The following STUM variants were observed in gnomAD, a reference collection of about 807,000 sequenced individuals.
The protein encoded by STUM is protein stum homolog.
A neutral mutation model predicts 15.3 loss-of-function variants in STUM; 8 were observed. The observed-to-expected ratio is 0.52, with a 90% CI of 0.31 to 0.94. The LOEUF (loss-of-function observed/expected upper bound fraction) is 0.94, where lower values mean the gene tolerates loss of function less well. STUM is among the 40% of genes least tolerant of loss of function. The probability of loss-of-function intolerance (pLI) is 0.05; values close to 1 mark genes in which losing one functional copy is unlikely to be tolerated. For synonymous variants in STUM, 78 were observed against 88.7 expected (o/e 0.88, Z 0.68); for missense variants, 142 against 204.9 (o/e 0.69, Z 1.87).
In STUM at chr1:226,552,566, T is replaced by A. The variant is rs970354790; in HGVS notation, c.202+3460T>A. ...ATCTTGATTTGGTGAAACGAAAATGTTGATATCTCAGTGACACGGAAAGTC... is the reference window on the plus strand; with the variant it reads ...ATCTTGATTTGGTGAAACGAAAATGATGATATCTCAGTGACACGGAAAGTC... On this transcript the variant is annotated intron_variant, in intron 1 of 3. Coordinates refer to ENST00000366788, the MANE Select transcript of STUM (RefSeq NM_001003665.4). The surrounding 1 kb of genome is among the most constrained non-coding windows in gnomAD (Gnocchi z 4.7). Among the ~76,000 whole-genome samples the A allele has an allele frequency of 2.0e-5, 3 of 152,226 alleles. No homozygotes were observed. Among genetic ancestry groups the A allele is most frequent in the Admixed American group, 6.5e-5 (1 of 15,290 alleles).
rs557222950 is a variant in STUM at position 226,597,109 on chromosome 1, C to T, written c.382+128C>T. On this transcript the variant is annotated intron_variant, in intron 2 of 3. Transcript: ENST00000366788. The stretch of plus-strand genomic sequence containing the variant: ...AAGCACGGGCTCTGGAGAGGGCTTG[C>T]CCGTGTCCTCTTCACAACTCCCTGG... 111 of 901,008 alleles carry T rather than the reference C, an allele frequency of 1.2e-4. No individual in the cohort carries two copies. The East Asian group carries it at 2.7e-3, about 22-fold the overall frequency. 55.8% of individuals were successfully genotyped at this position (901,008 alleles called of 1,614,324 possible). A position where few individuals can be genotyped will look rare whatever the true frequency, so the allele number is the denominator to read the frequency against.
intron 1 of STUM, among the ~76,000 whole-genome samples, chr1:226,573,149 C>A (rs567133738): frequency 3.3e-5 from 5 of 152,332 alleles, no homozygotes; most frequent in African/African-American, 1.2e-4. Flanking sequence ...GGTTAGTTAC[C>A]ACATACAGCA....
chr1:226,563,407 C>G (rs1164122149), intron 1 of STUM, among the ~76,000 whole-genome samples: 1 of 152,226 alleles, frequency 6.6e-6, no homozygotes, highest in African/African-American at 2.4e-5. Context: ...ACTATTAAAA[C>G]CCTAAGGGCA....
rs1668392164 is a variant in STUM, at chr1:226,608,216, C to G, written c.*6176C>G. 6.6e-6 allele frequency: 1 copy of G among 152,306 alleles called. No homozygotes were observed. Among genetic ancestry groups the G allele is most frequent in the African/African-American group, 2.4e-5 (1 of 41,454 alleles). The allele number at this position is 152,306 out of a possible 1,614,324, so 9.4% of individuals were successfully genotyped here. A position where few individuals can be genotyped will look rare whatever the true frequency, so the allele number is the denominator to read the frequency against. On this transcript the variant is annotated 3_prime_UTR_variant, in exon 4 of 4. Coordinates refer to ENST00000366788, the MANE Select transcript of STUM (RefSeq NM_001003665.4). This position sits in a 1 kb window ranked among gnomAD's most constrained non-coding sequence, Gnocchi z 4.0. Reference sequence around the variant, plus strand: ...AGGAGAGGGGCAGTGTTCCCACCCACCTGCTCCAGCACAGGAACCAGGGAG... The same window carrying G: ...AGGAGAGGGGCAGTGTTCCCACCCAGCTGCTCCAGCACAGGAACCAGGGAG...
At chr1:226,573,862 G>A (rs1343598873) in intron 1 of STUM, among the ~76,000 whole-genome samples, 1 of 149,300 alleles carries the variant, frequency 6.7e-6, no homozygotes, top group African/African-American at 2.5e-5. Context: ...TTGAGATGGA[G>A]TCTTGCTCTG....
chr1:226,564,493 A>G (rs1467691394), intron 1 of STUM, among the ~76,000 whole-genome samples: 1 of 152,200 alleles, frequency 6.6e-6, no homozygotes, highest in Non-Finnish European at 1.5e-5. Context: ...CTTAACATGC[A>G]TCTGAAGACA....
chr1:226,551,789 T>C (rs1667379935), intron 1 of STUM, among the ~76,000 whole-genome samples: 1 of 152,194 alleles, frequency 6.6e-6, no homozygotes, highest in South Asian at 2.1e-4. Flanking sequence ...TGATAAGTGC[T>C]AGGATGGCAG....
chr1:226,598,821 T>G (rs1668222483), intron 2 of STUM, among the ~76,000 whole-genome samples: 1 of 152,224 alleles, frequency 6.6e-6, no homozygotes, highest in African/African-American at 2.4e-5. Flanking sequence ...AGGGATGCTG[T>G]CTTTGCATCA....
At chr1:226,556,383 G>A (rs570770017) in intron 1 of STUM, among the ~76,000 whole-genome samples, 1 of 152,320 alleles carries the variant, frequency 6.6e-6, no homozygotes, top group South Asian at 2.1e-4. Flanking sequence ...TGGGAAGGCA[G>A]GCACTAATGA....
At chr1:226,579,274 TGGGG>T (rs773803036) in intron 1 of STUM, among the ~76,000 whole-genome samples, 4 of 152,110 alleles carry the variant, frequency 2.6e-5, no homozygotes, top group Admixed American at 1.3e-4. Context: ...AGCTGAGTGA[TGGGG>T]GAAGGATGGG....
At chr1:226,592,221 T>C (rs1668098420) in intron 1 of STUM, among the ~76,000 whole-genome samples, 1 of 152,194 alleles carries the variant, frequency 6.6e-6, no homozygotes, top group African/African-American at 2.4e-5. Context: ...CTAATTTTTG[T>C]ATTTTTGGTA....
chr1:226,578,060 G>T (rs559870902), intron 1 of STUM, among the ~76,000 whole-genome samples: 2 of 152,220 alleles, frequency 1.3e-5, no homozygotes, highest in South Asian at 2.1e-4. Flanking sequence ...TGCCCTCCCC[G>T]TGGGCCCAGG....
At chr1:226,560,218 C>T (rs1667518360) in intron 1 of STUM, among the ~76,000 whole-genome samples, 1 of 152,188 alleles carries the variant, frequency 6.6e-6, no homozygotes, top group Non-Finnish European at 1.5e-5. Flanking sequence ...GCCTTTTGCT[C>T]CTTCCTCAGC....
intron 1 of STUM, among the ~76,000 whole-genome samples, chr1:226,564,866 C>A (rs183067715): frequency 3.3e-5 from 5 of 152,314 alleles, no homozygotes; most frequent in African/African-American, 1.2e-4. Context: ...CTCATGCATT[C>A]CGGTTCTGAA....
At position 226,550,159 on chromosome 1, in the gene STUM, G is replaced by C. The variant is rs374059574; in HGVS notation, c.202+1053G>C. Among the ~76,000 whole-genome samples, 131 of 152,338 alleles carry C rather than the reference G, an allele frequency of 8.6e-4. 1 individual carries two copies. The South Asian group carries it at 0.027, about 31-fold the overall frequency. ...GTATGGTTCCAAGTTCCCAAGAGCA[G>C]AGGCCAGCTGGAAGGGGTTTTCAGT... On this transcript the variant is annotated intron_variant, in intron 1 of 3. Coordinates refer to ENST00000366788, the MANE Select transcript of STUM (RefSeq NM_001003665.4).
At position 226,602,299 on chromosome 1, in the gene STUM, A is replaced by T. The variant is rs1453567370; in HGVS notation, c.*259A>T. The stretch of plus-strand genomic sequence containing the variant: ...ATCAGAGAGTGGGGTGGAGATGAGA[A>T]CGCCCACAGAGAGGCTGGGATGCTC... On this transcript the variant is annotated 3_prime_UTR_variant, in exon 4 of 4. Coordinates refer to ENST00000366788, the MANE Select transcript of STUM (RefSeq NM_001003665.4). 1.2e-5 allele frequency: 6 copies of T among 499,924 alleles called. No homozygotes were observed. The East Asian group carries it at 2.0e-4, about 17-fold the overall frequency. The allele number at this position is 499,924 out of a possible 1,614,324, so 31.0% of individuals were successfully genotyped here. A position where few individuals can be genotyped will look rare whatever the true frequency, so the allele number is the denominator to read the frequency against.
At chr1:226,597,024 G>T (rs1234320008) in intron 2 of STUM, 43 bp downstream of exon 2, 2 of 1,585,342 alleles carry the variant, frequency 1.3e-6, no homozygotes, top group Non-Finnish European at 1.7e-6. Flanking sequence ...GTGGGGAGTG[G>T]CCAGGGACAG....
At chr1:226,583,980 A>G (rs915902758) in intron 1 of STUM, among the ~76,000 whole-genome samples, 6 of 152,186 alleles carry the variant, frequency 3.9e-5, no homozygotes, top group Non-Finnish European at 5.9e-5. Context: ...ATTGTTGTGT[A>G]GAAAACAATC....
Position 226,603,455 on chromosome 1 carries a change from A to G in STUM, c.*1415A>G, listed in dbSNP as rs923289364. The G allele has an allele frequency of 1.3e-5, 2 of 152,262 alleles. No homozygotes were observed. The highest frequency in any genetic ancestry group is 2.9e-5 in the Non-Finnish European group (2 of 68,048). 9.4% of individuals were successfully genotyped at this position (152,262 alleles called of 1,614,324 possible). A position where few individuals can be genotyped will look rare whatever the true frequency, so the allele number is the denominator to read the frequency against. On this transcript the variant is annotated 3_prime_UTR_variant, in exon 4 of 4. Transcript: ENST00000366788. The stretch of plus-strand genomic sequence containing the variant: ...CCTTTCCTTTCATTTTCATTCTAAC[A>G]TAGGAAATGCTAACAGATGGGGCTG...
Sources: allele counts gnomAD v4.1 joint callset (sites outside exome capture counted in the v4.1 genomes callset), GRCh38; gene constraint gnomAD v4.1.1; non-coding constraint Gnocchi (gnomAD v3.1); transcripts MANE v1.5; gene names NCBI Gene and HGNC (gene_info 2026-07-23, HGNC 2026-07-21).